EDARADD: variants seen among roughly 807,000 people sequenced by gnomAD.
The protein encoded by EDARADD is ectodysplasin-A receptor-associated adapter protein.
Under a neutral mutation model 25.6 loss-of-function variants are expected in EDARADD, and 20 were observed. That is an observed-to-expected ratio of 0.78 (90% CI 0.55 to 1.14). The LOEUF (loss-of-function observed/expected upper bound fraction) is 1.14. EDARADD is among the 50% of genes most tolerant of loss of function. The pLI, the probability that EDARADD is intolerant of heterozygous loss-of-function variation, is 0.00. For synonymous variants in EDARADD, 86 were observed against 94.4 expected (o/e 0.91, Z 0.52); for missense variants, 225 against 270.1 (o/e 0.83, Z 1.17).
chr1:236,390,289 C>T (rs1423789051), upstream of EDARADD, among the ~76,000 whole-genome samples: 1 of 152,208 alleles, frequency 6.6e-6, no homozygotes, highest in Non-Finnish European at 1.5e-5. Context: ...GGCGTGGTGG[C>T]TCATGCCTGT....
intron 5 of EDARADD, among the ~76,000 whole-genome samples, chr1:236,476,655 AG>A (rs1659516936): frequency 6.7e-6 from 1 of 149,804 alleles, no homozygotes; most frequent in African/African-American, 2.5e-5. Flanking sequence ...CCTCCCAAGT[AG>A]CTGGGATTAC....
chr1:236,355,934 A>G (rs1405075501), intron 3 of EDARADD, among the ~76,000 whole-genome samples: 1 of 152,116 alleles, frequency 6.6e-6, no homozygotes, highest in Non-Finnish European at 1.5e-5. Flanking sequence ...CATGGGGCAC[A>G]TGTTCCCAGG....
chr1:236,381,047 C>T (rs1478474724), intron 3 of EDARADD, among the ~76,000 whole-genome samples: 1 of 152,182 alleles, frequency 6.6e-6, no homozygotes, highest in Admixed American at 6.5e-5. Context: ...AAAGTTTACT[C>T]ATCTGCCTTT....
chr1:236,481,919 C>T (rs1248951457), intron 5 of EDARADD, among the ~76,000 whole-genome samples: 1 of 151,892 alleles, frequency 6.6e-6, no homozygotes, highest in Non-Finnish European at 1.5e-5. Flanking sequence ...CGAGACCATC[C>T]TGGCTAACAC....
chr1:236,423,022 A>G (rs1240360306), intron 3 of EDARADD, among the ~76,000 whole-genome samples: 1 of 152,212 alleles, frequency 6.6e-6, no homozygotes, highest in Non-Finnish European at 1.5e-5. Flanking sequence ...AGTTTCTTGC[A>G]TCAAAAGCCT....
At chr1:236,469,635 A>G (rs1659305867) in intron 5 of EDARADD, among the ~76,000 whole-genome samples, 1 of 152,268 alleles carries the variant, frequency 6.6e-6, no homozygotes, top group East Asian at 1.9e-4. Context: ...AGGGGCAGCT[A>G]TCATCAGCCC....
intron 5 of EDARADD, among the ~76,000 whole-genome samples, chr1:236,477,084 C>T (rs1478312397): frequency 1.3e-5 from 2 of 151,486 alleles, no homozygotes; most frequent in African/African-American, 4.9e-5. Context: ...AATTAATCAC[C>T]TGCGTTCTCA....
intron 1 of EDARADD, among the ~76,000 whole-genome samples, chr1:236,404,083 A>G (rs1306397361): frequency 6.6e-6 from 1 of 152,154 alleles, no homozygotes; most frequent in African/African-American, 2.4e-5. Context: ...TGGCGAAACC[A>G]CTGGCCTTGT....
intron 4 of EDARADD, among the ~76,000 whole-genome samples, chr1:236,465,292 C>T (rs892332635): frequency 2.6e-5 from 4 of 152,184 alleles, no homozygotes; most frequent in Non-Finnish European, 5.9e-5. Context: ...GGCGAGAGCC[C>T]CTCAGTGACT....
rs1240943288 is a variant in EDARADD, at chr1:236,447,170, CTCTTTCTTTCTT to C, written c.219+19763_219+19774del. Among the ~76,000 whole-genome samples the C allele has an allele frequency of 2.6e-3, 243 of 93,622 alleles. 2 individuals carry two copies. The East Asian group carries it at 0.032, about 13-fold the overall frequency. 61.4% of individuals were successfully genotyped at this position (93,622 alleles called of 152,430 possible). A position where few individuals can be genotyped will look rare whatever the true frequency, so the allele number is the denominator to read the frequency against. On this transcript the variant is annotated intron_variant, in intron 4 of 5. Transcript: ENST00000334232. ...CCTTCCTTCCTCCCTCCCTCCCTCC[CTCTTTCTTTCTT>C]TCTTTCTTTCTTTCTTTCTTTCTTT...
intron 3 of EDARADD, among the ~76,000 whole-genome samples, chr1:236,421,365 A>G (rs374831791): frequency 6.8e-6 from 1 of 146,184 alleles, no homozygotes; most frequent in East Asian, 2.0e-4. Context: ...AGCCCATTAC[A>G]AAAAGAGAAC....
intron 4 of EDARADD, among the ~76,000 whole-genome samples, chr1:236,465,834 C>A (rs12117927): frequency 0.41 from 61,594 of 152,050 alleles, 13,791 homozygotes; most frequent in East Asian, 0.56. Context: ...AGAAAACAAA[C>A]CCACAACATA....
chr1:236,476,233 G>T (rs1212437351), intron 5 of EDARADD, among the ~76,000 whole-genome samples: 7 of 136,666 alleles, frequency 5.1e-5, no homozygotes, highest in African/African-American at 1.6e-4. Flanking sequence ...AATAAATAAA[G>T]GAGCTTTACA....
In EDARADD at chr1:236,396,696, CT is replaced by C. The variant is rs980686510; in HGVS notation, c.61+2203del. Among the ~76,000 whole-genome samples the C allele has an allele frequency of 4.0e-3, 573 of 144,230 alleles. 2 individuals are homozygous for C. Among genetic ancestry groups the C allele is most frequent in the Admixed American group, 4.4e-3 (63 of 14,360 alleles). The allele number at this position is 144,230 out of a possible 152,430, so 94.6% of individuals were successfully genotyped here. ...TTGGAAACTTCAAAGAAAGATCTAC[CT>C]TTTTTTTTTTTAAGTGGGGATTGTT... is the stretch of plus-strand genomic sequence containing the variant. On this transcript the variant is annotated intron_variant, in intron 1 of 5. Coordinates refer to ENST00000334232, the MANE Select transcript of EDARADD (RefSeq NM_145861.4).
At position 236,447,802 on chromosome 1, in the gene EDARADD, C is replaced by G. The variant is rs571003086; in HGVS notation, c.219+20352C>G. On this transcript the variant is annotated intron_variant, in intron 4 of 5. Transcript: ENST00000334232. ...TGCTTAAACCAATGGTTCTGGTCCT[C>G]GACTGCACATTGGAATTACTTGGAG... Among the ~76,000 whole-genome samples, 77 of 152,046 alleles carry G rather than the reference C, an allele frequency of 5.1e-4. 1 individual carries two copies. Among genetic ancestry groups the G allele is most frequent in the African/African-American group, 1.8e-3 (75 of 41,456 alleles).
intron 3 of EDARADD, among the ~76,000 whole-genome samples, chr1:236,418,571 T>A (rs754794755): frequency 1.3e-5 from 2 of 152,212 alleles, no homozygotes; most frequent in African/African-American, 2.4e-5. Flanking sequence ...ATGCTACCCT[T>A]AAGAAGTCTG....
chr1:236,451,638 G>T (rs1170809873), intron 4 of EDARADD, among the ~76,000 whole-genome samples: 1 of 152,128 alleles, frequency 6.6e-6, no homozygotes, highest in Non-Finnish European at 1.5e-5. Flanking sequence ...GCCCAGGCTG[G>T]TCTTGAACTC....
chr1:236,419,140 G>A (rs2103012721), intron 3 of EDARADD, among the ~76,000 whole-genome samples: 1 of 152,234 alleles, frequency 6.6e-6, no homozygotes, highest in South Asian at 2.1e-4. Flanking sequence ...CTTTGCCAGT[G>A]TTTCAAGAGG....
chr1:236,417,838 A>T (rs1364322269), intron 3 of EDARADD, among the ~76,000 whole-genome samples: 2 of 152,148 alleles, frequency 1.3e-5, no homozygotes, highest in Non-Finnish European at 2.9e-5. Flanking sequence ...ACAAGATTTT[A>T]TCATCTTCAT....
Sources: gnomAD v4.1 joint callset for allele counts (sites outside exome capture counted in the v4.1 genomes callset) on GRCh38, gnomAD v4.1.1 for gene constraint, MANE v1.5 for transcripts, NCBI Gene and HGNC (gene_info 2026-07-23, HGNC 2026-07-21) for gene names.